PRKG1: variants seen among roughly 807,000 people sequenced by gnomAD.
The protein encoded by PRKG1 is cGMP-dependent protein kinase 1.
In PRKG1, 35 loss-of-function variants were observed where a neutral mutation model predicts 88.1. The ratio of observed to expected loss-of-function variants is 0.40; its 90% CI spans 0.30 to 0.53. The LOEUF (loss-of-function observed/expected upper bound fraction) is 0.53, where lower values mean the gene tolerates loss of function less well. PRKG1 is among the 20% of genes least tolerant of loss of function. The probability of loss-of-function intolerance (pLI) is 0.59; values close to 1 mark genes in which losing one functional copy is unlikely to be tolerated. For synonymous variants in PRKG1, 303 were observed against 292.5 expected (o/e 1.04, Z -0.37); for missense variants, 540 against 839.8 (o/e 0.64, Z 4.41).
chr10:52,034,332 G>C (rs1401715516), intron 5 of PRKG1, among the ~76,000 whole-genome samples: 3 of 123,782 alleles, frequency 2.4e-5, no homozygotes, highest in Non-Finnish European at 5.2e-5. Flanking sequence ...TGCTTCAAGC[G>C]GGATTAGGGG....
intron 3 of PRKG1, among the ~76,000 whole-genome samples, chr10:51,469,500 GA>G (rs1402262785): frequency 6.6e-6 from 1 of 151,776 alleles, no homozygotes. Flanking sequence ...GATTTTTAAT[GA>G]AATGATTTGT....
chr10:51,951,989 C>T (rs944720843), intron 5 of PRKG1, among the ~76,000 whole-genome samples: 2 of 152,148 alleles, frequency 1.3e-5, no homozygotes, highest in African/African-American at 4.8e-5. Context: ...TTATTGGAAC[C>T]TTGCCATACC....
At chr10:51,920,015 C>T (rs1471124553) in intron 5 of PRKG1, among the ~76,000 whole-genome samples, 1 of 152,066 alleles carries the variant, frequency 6.6e-6, no homozygotes, top group South Asian at 2.1e-4. Flanking sequence ...TTCTGTTTTG[C>T]ATTTGGATGC....
At chr10:51,837,749 G>A (rs1462861842) in intron 4 of PRKG1, among the ~76,000 whole-genome samples, 8 of 152,130 alleles carry the variant, frequency 5.3e-5, no homozygotes, top group Admixed American at 5.2e-4. Context: ...ATAGTTTGAA[G>A]GCAAAGACTG....
intron 1 of PRKG1, among the ~76,000 whole-genome samples, chr10:51,066,652 A>G (rs1286006359): frequency 6.6e-6 from 1 of 152,118 alleles, no homozygotes; most frequent in Non-Finnish European, 1.5e-5. Context: ...CAATGTATAT[A>G]TTTACCATTT....
intron 3 of PRKG1, among the ~76,000 whole-genome samples, chr10:51,740,919 C>A (rs1837416465): frequency 7.3e-6 from 1 of 137,256 alleles, no homozygotes. Flanking sequence ...ATTGATTTGT[C>A]CCAAAACTGA....
chr10:51,864,005 C>G (rs927622853), intron 4 of PRKG1, among the ~76,000 whole-genome samples: 4 of 152,196 alleles, frequency 2.6e-5, no homozygotes, highest in African/African-American at 7.2e-5. Context: ...TCCAACTGGT[C>G]CTGGATGCAA....
chr10:51,469,482 A>G (rs1391041768), intron 3 of PRKG1, among the ~76,000 whole-genome samples: 1 of 151,844 alleles, frequency 6.6e-6, no homozygotes, highest in East Asian at 1.9e-4. Flanking sequence ...CATGAATTTT[A>G]CAGCAAAGAT....
rs536125389 is a variant in PRKG1, at chr10:51,532,504, T to C, written c.592+64668T>C. On this transcript the variant is annotated intron_variant, in intron 3 of 17. Coordinates refer to ENST00000373980, the MANE Select transcript of PRKG1 (RefSeq NM_006258.4). ...ACTGTATCATTTTACATTATTTTAA[T>C]ATCTTAGTGAGTTTTTAAATCAGCA... Among the ~76,000 whole-genome samples the C allele has an allele frequency of 2.0e-5, 3 of 152,340 alleles. No individual in the cohort carries two copies. The South Asian group carries it at 6.2e-4, about 32-fold the overall frequency.
At chr10:52,248,821 G>A (rs746522755) in intron 9 of PRKG1, among the ~76,000 whole-genome samples, 1 of 152,024 alleles carries the variant, frequency 6.6e-6, no homozygotes, top group African/African-American at 2.4e-5. Flanking sequence ...CAAACATAAA[G>A]TAACTGCCTT....
chr10:52,103,894 C>G, intron 7 of PRKG1, among the ~76,000 whole-genome samples: 1 of 151,390 alleles, frequency 6.6e-6, no homozygotes, highest in Non-Finnish European at 1.5e-5. Context: ...TTTATATATC[C>G]TATTAGATAT....
At chr10:51,230,576 A>G (rs963405088) in intron 2 of PRKG1, among the ~76,000 whole-genome samples, 2 of 152,184 alleles carry the variant, frequency 1.3e-5, no homozygotes, top group South Asian at 2.1e-4. Context: ...CTTAGTATCC[A>G]TGGGAGATAG....
chr10:51,271,266 T>C (rs1839973006), intron 2 of PRKG1, among the ~76,000 whole-genome samples: 2 of 152,170 alleles, frequency 1.3e-5, no homozygotes, highest in Admixed American at 6.5e-5. Flanking sequence ...ATGATTTTTT[T>C]TTTTTTTACA....
chr10:51,492,272 T>C (rs1840725129), intron 3 of PRKG1, among the ~76,000 whole-genome samples: 1 of 152,182 alleles, frequency 6.6e-6, no homozygotes, highest in Non-Finnish European at 1.5e-5. Context: ...TGCTAACACG[T>C]AGAATGTTTT....
At chr10:51,973,120 G>A (rs1390013206) in intron 5 of PRKG1, among the ~76,000 whole-genome samples, 2 of 152,124 alleles carry the variant, frequency 1.3e-5, no homozygotes, top group African/African-American at 4.8e-5. Context: ...TTCTGCCTAG[G>A]GGAAGGTGCA....
At chr10:51,501,679 C>T (rs559671265) in intron 3 of PRKG1, among the ~76,000 whole-genome samples, 1 of 151,994 alleles carries the variant, frequency 6.6e-6, no homozygotes, top group African/African-American at 2.4e-5. Context: ...AAGGGCTTGG[C>T]ATTCCTTTAG....
intron 3 of PRKG1, among the ~76,000 whole-genome samples, chr10:51,701,296 C>T (rs764994878): frequency 5.3e-5 from 8 of 152,120 alleles, no homozygotes; most frequent in Non-Finnish European, 1.0e-4. Context: ...TTTTAAATTT[C>T]AGCAAAAAAA....
chr10:51,352,553 C>T lies in PRKG1; in HGVS notation c.479-115170C>T, dbSNP rs145917923. Among the ~76,000 whole-genome samples, 63 of 152,136 alleles carry T rather than the reference C, an allele frequency of 4.1e-4. 1 individual carries two copies. In the East Asian group the frequency reaches 0.012, roughly 28 times the overall value. The stretch of plus-strand genomic sequence containing the variant: ...CAAACAAAGAAGTGAAAGATCTCTA[C>T]AGTGAAAACTATAAAACACTGAAGA... On this transcript the variant is annotated intron_variant, in intron 2 of 17. Transcript: ENST00000373980.
At chr10:51,657,890 T>C (rs1407683378) in intron 3 of PRKG1, among the ~76,000 whole-genome samples, 1 of 152,150 alleles carries the variant, frequency 6.6e-6, no homozygotes, top group Non-Finnish European at 1.5e-5. Flanking sequence ...TCCAGGGTAC[T>C]GGGCTCCAGT....
Sources: allele counts gnomAD v4.1 joint callset (sites outside exome capture counted in the v4.1 genomes callset), GRCh38; gene constraint gnomAD v4.1.1; transcripts MANE v1.5; gene names NCBI Gene and HGNC (gene_info 2026-07-23, HGNC 2026-07-21).